The following NEGR1 variants were observed in gnomAD, a reference collection of about 807,000 sequenced individuals.
The protein encoded by NEGR1 is neuronal growth regulator 1.
NEGR1 carries 10 observed loss-of-function variants against 40.9 expected under a neutral mutation model. The ratio of observed to expected loss-of-function variants is 0.24; its 90% CI spans 0.15 to 0.42. NEGR1 has a LOEUF of 0.42. NEGR1 is among the 10% of genes least tolerant of loss of function. NEGR1 has a pLI of 1.00. For missense variants in NEGR1, 352 were observed against 438.9 expected (o/e 0.80, Z 1.77); for synonymous variants, 185 against 166.8 (o/e 1.11, Z -0.84).
chr1:71,927,818 T>TAAAAAAAAAAAAAAA (rs35429988), intron 2 of NEGR1, among the ~76,000 whole-genome samples: 1 of 22,448 alleles, frequency 4.5e-5, no homozygotes, highest in African/African-American at 2.0e-4. Flanking sequence ...ACCCAATCTC[T>TAAAAAAAAAAAAAAA]AAAAAAAAAA....
chr1:71,859,282 C>A (rs1441519016), intron 2 of NEGR1, among the ~76,000 whole-genome samples: 1 of 151,994 alleles, frequency 6.6e-6, no homozygotes, highest in Non-Finnish European at 1.5e-5. Flanking sequence ...CTGGGAACTT[C>A]CTCTTCTGTT....
At chr1:71,683,590 T>A (rs565545580) in intron 4 of NEGR1, among the ~76,000 whole-genome samples, 1 of 151,738 alleles carries the variant, frequency 6.6e-6, no homozygotes, top group South Asian at 2.1e-4. Context: ...CAGGTTTAAT[T>A]TTTTTTTAAC....
intron 4 of NEGR1, among the ~76,000 whole-genome samples, chr1:71,687,459 T>C (rs1215720593): frequency 1.3e-5 from 2 of 152,200 alleles, no homozygotes; most frequent in Non-Finnish European, 2.9e-5. Flanking sequence ...AGCTTTTCTG[T>C]GTAGCAGCAA....
chr1:71,464,967 T>C (rs1251362322), intron 6 of NEGR1, among the ~76,000 whole-genome samples: 3 of 152,142 alleles, frequency 2.0e-5, no homozygotes, highest in African/African-American at 7.2e-5. Flanking sequence ...TCAGTTATCT[T>C]CAGAAACGTA....
At chr1:71,693,171 C>T (rs936134612) in intron 4 of NEGR1, among the ~76,000 whole-genome samples, 9 of 151,542 alleles carry the variant, frequency 5.9e-5, no homozygotes, top group African/African-American at 2.2e-4. Context: ...TGAGTAAAAA[C>T]AGTATGCAAA....
intron 1 of NEGR1, among the ~76,000 whole-genome samples, chr1:72,010,627 C>T (rs1291997978): frequency 2.0e-5 from 3 of 151,454 alleles, no homozygotes; most frequent in Non-Finnish European, 4.4e-5. Context: ...CCTTTCTCCA[C>T]TCTCCCACCC....
At chr1:72,031,859 C>T (rs1646861629) in intron 1 of NEGR1, among the ~76,000 whole-genome samples, 1 of 152,052 alleles carries the variant, frequency 6.6e-6, no homozygotes, top group African/African-American at 2.4e-5. Flanking sequence ...CATTCTGTAC[C>T]ACTGGGAATA....
chr1:71,758,602 A>T (rs1401162320), intron 3 of NEGR1, among the ~76,000 whole-genome samples: 1 of 152,182 alleles, frequency 6.6e-6, no homozygotes, highest in African/African-American at 2.4e-5. Context: ...ACATAATTTT[A>T]AAATGAGCTG....
intron 1 of NEGR1, among the ~76,000 whole-genome samples, chr1:72,227,060 A>G (rs1045801522): frequency 2.0e-5 from 3 of 152,106 alleles, no homozygotes; most frequent in Non-Finnish European, 2.9e-5. Flanking sequence ...TCTAAATGAG[A>G]AAGTGCCATT....
chr1:71,775,227 A>T lies in NEGR1; in HGVS notation c.535+945T>A, dbSNP rs192682971. Among the ~76,000 whole-genome samples, 310 of 152,316 alleles carry T rather than the reference A, an allele frequency of 2.0e-3. 2 individuals are homozygous for T. Among genetic ancestry groups the T allele is most frequent in the Non-Finnish European group, 1.9e-3 (129 of 68,030 alleles). On this transcript the variant is annotated intron_variant, in intron 3 of 6. Coordinates refer to ENST00000357731, the MANE Select transcript of NEGR1 (RefSeq NM_173808.3). Reference sequence around the variant, plus strand: ...AAGACATTTCTCTTGTGACATTTCCATTTGAGCCTTTTGTCTATTGATTGG... The same window carrying T: ...AAGACATTTCTCTTGTGACATTTCCTTTTGAGCCTTTTGTCTATTGATTGG...
At chr1:71,836,326 C>T (rs1471622108) in intron 2 of NEGR1, among the ~76,000 whole-genome samples, 1 of 151,224 alleles carries the variant, frequency 6.6e-6, no homozygotes, top group Non-Finnish European at 1.5e-5. Context: ...GTCCCGGGTG[C>T]CTGTAGACAG....
Position 71,597,432 on chromosome 1 carries a change from G to GTCTC in NEGR1, c.789-4468_789-4465dup, listed in dbSNP as rs1158039041. 9.4e-4 allele frequency among the ~76,000 whole-genome samples: 57 copies of GTCTC among 60,742 alleles called. 5 individuals are homozygous for GTCTC. The highest frequency in any genetic ancestry group is 3.2e-3 in the African/African-American group (48 of 15,230). The allele number at this position is 60,742 out of a possible 152,430, so 39.8% of individuals were successfully genotyped here. On this transcript the variant is annotated intron_variant, in intron 5 of 6. Coordinates refer to ENST00000357731, the MANE Select transcript of NEGR1 (RefSeq NM_173808.3). ...TTTATTTATATATATATATATATAT[G>GTCTC]TCTCTCTCTCTCTCTCTCTCTCTCT...
At chr1:71,562,627 T>A (rs959977791) in intron 6 of NEGR1, among the ~76,000 whole-genome samples, 23 of 151,972 alleles carry the variant, frequency 1.5e-4, no homozygotes, top group Non-Finnish European at 3.1e-4. Flanking sequence ...TTTAAAAATG[T>A]ATGAAATTAC....
intron 2 of NEGR1, among the ~76,000 whole-genome samples, chr1:71,780,420 G>A (rs192064369): frequency 3.3e-5 from 5 of 152,262 alleles, no homozygotes; most frequent in Non-Finnish European, 7.4e-5. Context: ...AGAAGTCCTA[G>A]ATTTCATACT....
At chr1:71,839,643 A>T (rs557539032) in intron 2 of NEGR1, among the ~76,000 whole-genome samples, 3 of 152,260 alleles carry the variant, frequency 2.0e-5, no homozygotes, top group African/African-American at 7.2e-5. Context: ...GAGGAATATA[A>T]TTTTGATTGT....
At chr1:71,962,770 G>GTT (rs34191412) in intron 1 of NEGR1, among the ~76,000 whole-genome samples, 3 of 145,208 alleles carry the variant, frequency 2.1e-5, no homozygotes, top group African/African-American at 2.5e-5. Context: ...AATTCTCCAA[G>GTT]TTTTTTTTTT....
chr1:72,242,628 AT>A (rs1460720639), intron 1 of NEGR1, among the ~76,000 whole-genome samples: 15 of 151,664 alleles, frequency 9.9e-5, no homozygotes, highest in Non-Finnish European at 7.4e-5. Context: ...TATATAAAGT[AT>A]ACTTATATTA....
intron 5 of NEGR1, among the ~76,000 whole-genome samples, chr1:71,603,423 T>C (rs1382928793): frequency 6.6e-6 from 1 of 152,214 alleles, no homozygotes; most frequent in African/African-American, 2.4e-5. Context: ...TATCCTGACA[T>C]AGGAGTCTGG....
chr1:72,187,537 C>CT (rs1652656256), intron 1 of NEGR1, among the ~76,000 whole-genome samples: 1 of 151,358 alleles, frequency 6.6e-6, no homozygotes, highest in African/African-American at 2.4e-5. Flanking sequence ...GCCTATAAGA[C>CT]TTTGAGTTGC....
Sources: allele counts gnomAD v4.1 joint callset (sites outside exome capture counted in the v4.1 genomes callset), GRCh38; gene constraint gnomAD v4.1.1; transcripts MANE v1.5; gene names NCBI Gene and HGNC (gene_info 2026-07-23, HGNC 2026-07-21).